The following SYT1 variants were observed in gnomAD, a reference collection of about 807,000 sequenced individuals.
The protein encoded by SYT1 is synaptotagmin-1.
SYT1 carries 8 observed loss-of-function variants against 44.8 expected under a neutral mutation model. The ratio of observed to expected loss-of-function variants is 0.18; its 90% CI spans 0.10 to 0.32. The LOEUF (loss-of-function observed/expected upper bound fraction) is 0.32. Ranked by LOEUF, SYT1 falls within the 10% of genes least tolerant of loss-of-function variation. SYT1 has a pLI of 1.00. For synonymous variants in SYT1, 154 were observed against 188.8 expected (o/e 0.82, Z 1.51); for missense variants, 286 against 509.3 (o/e 0.56, Z 4.22).
intron 3 of SYT1, among the ~76,000 whole-genome samples, chr12:79,057,435 T>C (rs1450155312): frequency 1.3e-5 from 2 of 152,042 alleles, no homozygotes; most frequent in African/African-American, 4.8e-5. Flanking sequence ...AATTTTTCAA[T>C]AGTCTGAAAT....
intron 1 of SYT1, among the ~76,000 whole-genome samples, chr12:78,910,466 A>T (rs969006745): frequency 6.6e-6 from 1 of 151,912 alleles, no homozygotes; most frequent in African/African-American, 2.4e-5. Context: ...CTGCCCTTTT[A>T]ATTGATTTCT....
intron 2 of SYT1, among the ~76,000 whole-genome samples, chr12:79,021,810 G>T (rs891971708): frequency 2.0e-5 from 3 of 151,704 alleles, no homozygotes; most frequent in Admixed American, 2.0e-4. Context: ...ATTTTTCAAA[G>T]AATTGAATTC....
Position 79,013,444 on chromosome 12 carries a change from T to C in SYT1, c.-83-33853T>C, listed in dbSNP as rs1026736370. Among the ~76,000 whole-genome samples, 3 of 152,198 alleles carry C rather than the reference T, an allele frequency of 2.0e-5. No homozygotes were observed. The East Asian group carries it at 5.8e-4, about 29-fold the overall frequency. On this transcript the variant is annotated intron_variant, in intron 2 of 10. Transcript: ENST00000261205. Reference sequence around the variant, plus strand: ...GGAACTCCAAGAGGGATTAACTGTTTATAAACTGTAACTACAACTTGCACA... The same window carrying C: ...GGAACTCCAAGAGGGATTAACTGTTCATAAACTGTAACTACAACTTGCACA...
intron 9 of SYT1, among the ~76,000 whole-genome samples, chr12:79,359,173 T>C (rs986345686): frequency 6.6e-6 from 1 of 152,152 alleles, no homozygotes; most frequent in African/African-American, 2.4e-5. Flanking sequence ...TGCATTCACC[T>C]AAATTGGAGG....
chr12:79,196,173 TTG>T (rs1491324339), intron 3 of SYT1, among the ~76,000 whole-genome samples: 354 of 48,102 alleles, frequency 7.4e-3, no homozygotes, highest in Non-Finnish European at 0.012. Flanking sequence ...GTTGTTGTTG[TTG>T]TTGTTGTTGT....
chr12:79,343,697 CTG>C (rs1164827013), intron 8 of SYT1, among the ~76,000 whole-genome samples: 1 of 152,152 alleles, frequency 6.6e-6, no homozygotes, highest in Non-Finnish European at 1.5e-5. Flanking sequence ...CCCAATATTT[CTG>C]TCTTTCTATA....
chr12:79,242,240 C>T (rs539950368), intron 4 of SYT1, among the ~76,000 whole-genome samples: 10 of 152,184 alleles, frequency 6.6e-5, no homozygotes, highest in Non-Finnish European at 1.2e-4. Context: ...ATGACTTTAC[C>T]ATCTCTGCCC....
intron 4 of SYT1, among the ~76,000 whole-genome samples, chr12:79,276,146 AC>A (rs200427815): frequency 6.7e-6 from 1 of 149,356 alleles, no homozygotes; most frequent in Non-Finnish European, 1.5e-5. Flanking sequence ...TATAAAACAA[AC>A]AAACAAACAA....
intron 3 of SYT1, among the ~76,000 whole-genome samples, chr12:79,120,727 TAAG>T (rs952606910): frequency 7.2e-5 from 11 of 152,242 alleles, no homozygotes; most frequent in East Asian, 1.9e-4. Flanking sequence ...GATTAAATTC[TAAG>T]AAGATGTTCC....
At chr12:79,315,136 T>C (rs1881021107) in intron 8 of SYT1, among the ~76,000 whole-genome samples, 1 of 152,204 alleles carries the variant, frequency 6.6e-6, no homozygotes, top group Non-Finnish European at 1.5e-5. Flanking sequence ...AATTTTATGG[T>C]ATGTGAATAA....
intron 2 of SYT1, among the ~76,000 whole-genome samples, chr12:79,003,105 C>T (rs1870849748): frequency 6.6e-6 from 1 of 151,994 alleles, no homozygotes; most frequent in Non-Finnish European, 1.5e-5. Context: ...TAGGGAGAGT[C>T]AGAAAAAGCA....
At chr12:78,886,635 T>G (rs1335084127) in intron 1 of SYT1, among the ~76,000 whole-genome samples, 1 of 152,014 alleles carries the variant, frequency 6.6e-6, no homozygotes, top group Non-Finnish European at 1.5e-5. Flanking sequence ...AGTCAGCAAG[T>G]ATTTACCTAT....
chr12:79,348,592 C>G (rs1247561749), intron 8 of SYT1, among the ~76,000 whole-genome samples: 3 of 152,176 alleles, frequency 2.0e-5, no homozygotes, highest in Admixed American at 2.0e-4. Flanking sequence ...TCAGACCTTT[C>G]AAACATTCAC....
chr12:79,404,629 T>G (rs1465048), intron 9 of SYT1, among the ~76,000 whole-genome samples: 20,774 of 152,120 alleles, frequency 0.14, 1,856 homozygotes, highest in Middle Eastern at 0.34. Flanking sequence ...AGGTAAAGCC[T>G]ACATCCAGGA....
At chr12:79,339,976 G>T (rs990696093) in intron 8 of SYT1, among the ~76,000 whole-genome samples, 29 of 152,266 alleles carry the variant, frequency 1.9e-4, no homozygotes, top group Admixed American at 5.2e-4. Flanking sequence ...AGATCAGATG[G>T]TTGTAGATGT....
At chr12:79,147,427 G>A (rs2138243212) in intron 3 of SYT1, among the ~76,000 whole-genome samples, 1 of 152,238 alleles carries the variant, frequency 6.6e-6, no homozygotes, top group East Asian at 1.9e-4. Context: ...TGTTTAAGGT[G>A]TACAGCCTAT....
At chr12:78,881,622 T>C (rs1166205830) in intron 1 of SYT1, among the ~76,000 whole-genome samples, 1 of 151,806 alleles carries the variant, frequency 6.6e-6, no homozygotes, top group African/African-American at 2.4e-5. Flanking sequence ...AAAGCTAAAC[T>C]TGATTATATC....
intron 3 of SYT1, among the ~76,000 whole-genome samples, chr12:79,129,378 G>A (rs1464347771): frequency 6.6e-6 from 1 of 152,164 alleles, no homozygotes; most frequent in East Asian, 1.9e-4. Flanking sequence ...ATAGATGCAT[G>A]CTAAGCCAAA....
rs377705374 is a variant in SYT1 at position 79,337,177 on chromosome 12, A to G, written c.811-16325A>G. 9.2e-5 allele frequency among the ~76,000 whole-genome samples: 14 copies of G among 152,298 alleles called. No individual in the cohort carries two copies. The East Asian group carries it at 1.9e-3, about 21-fold the overall frequency. On this transcript the variant is annotated intron_variant, in intron 8 of 10. Transcript: ENST00000261205. ...CAATATTGCAGTAGACAAAGAAGAT[A>G]TTATTTATCCATTTTAATGGTGGGA...
Sources: allele counts gnomAD v4.1 joint callset (sites outside exome capture counted in the v4.1 genomes callset), GRCh38; gene constraint gnomAD v4.1.1; transcripts MANE v1.5; gene names NCBI Gene and HGNC (gene_info 2026-07-23, HGNC 2026-07-21).